The following RBMS3 variants were observed in gnomAD, a reference collection of about 807,000 sequenced individuals.
RBMS3 encodes the protein RNA-binding motif, single-stranded-interacting protein 3.
In RBMS3, 27 loss-of-function variants were observed where a neutral mutation model predicts 66.8. The observed-to-expected ratio is 0.40, with a 90% confidence interval of 0.30 to 0.56. The LOEUF (loss-of-function observed/expected upper bound fraction) is 0.56, where lower values mean the gene tolerates loss of function less well. Among genes scored for constraint, RBMS3 ranks in the 20% least tolerant of loss-of-function variants. The pLI is 0.40. For synonymous variants in RBMS3, 188 were observed against 183.0 expected (o/e 1.03, Z -0.22); for missense variants, 513 against 549.5 (o/e 0.93, Z 0.66).
At chr3:29,769,632 A>G (rs1262363829) in intron 6 of RBMS3, among the ~76,000 whole-genome samples, 1 of 151,296 alleles carries the variant, frequency 6.6e-6, no homozygotes, top group African/African-American at 2.4e-5. Flanking sequence ...TTCTTTATTT[A>G]TCTGATTTTG....
chr3:29,869,717 G>C (rs769135288), intron 7 of RBMS3, among the ~76,000 whole-genome samples: 6 of 152,032 alleles, frequency 3.9e-5, no homozygotes, highest in Non-Finnish European at 7.4e-5. Context: ...CTTCCATGAG[G>C]TCTTTTCATT....
At chr3:29,543,088 CATATGGGGA>C (rs1169364043) in intron 3 of RBMS3, among the ~76,000 whole-genome samples, 1 of 152,088 alleles carries the variant, frequency 6.6e-6, no homozygotes, top group East Asian at 1.9e-4. Context: ...GAGACCACCA[CATATGGGGA>C]AGGAAGCAGA....
intron 2 of RBMS3, among the ~76,000 whole-genome samples, chr3:29,464,706 T>C (rs2042479363): frequency 6.6e-6 from 1 of 152,196 alleles, no homozygotes; most frequent in Non-Finnish European, 1.5e-5. Context: ...ATGTTATTCA[T>C]CATTCAGGAA....
chr3:29,913,322 A>G (rs2060563432), intron 10 of RBMS3, among the ~76,000 whole-genome samples: 2 of 152,020 alleles, frequency 1.3e-5, no homozygotes, highest in Non-Finnish European at 2.9e-5. Flanking sequence ...TCTGCACTTG[A>G]GAAATGACAG....
chr3:29,997,484 G>A (rs9682141), intron 14 of RBMS3, among the ~76,000 whole-genome samples: 14,159 of 133,426 alleles, frequency 0.11, 1,210 homozygotes, highest in South Asian at 0.18. Flanking sequence ...ATTTGAGACC[G>A]ATATCCTTGA....
At chr3:29,572,396 C>A (rs1025150044) in intron 3 of RBMS3, among the ~76,000 whole-genome samples, 10 of 151,994 alleles carry the variant, frequency 6.6e-5, no homozygotes, top group Non-Finnish European at 1.0e-4. Flanking sequence ...TAATACTAGT[C>A]ATGGGTCTGT....
At chr3:29,995,286 G>C (rs1352499612) in intron 14 of RBMS3, among the ~76,000 whole-genome samples, 1 of 152,172 alleles carries the variant, frequency 6.6e-6, no homozygotes, top group Non-Finnish European at 1.5e-5. Context: ...ATCTACATCT[G>C]ATTGGTGTAC....
At chr3:29,388,606 G>C (rs1460569898) in intron 1 of RBMS3, among the ~76,000 whole-genome samples, 1 of 152,168 alleles carries the variant, frequency 6.6e-6, no homozygotes, top group African/African-American at 2.4e-5. Flanking sequence ...GCAGAGTCTT[G>C]CTCTGTCGCA....
At chr3:29,590,560 G>C (rs2047693118) in intron 4 of RBMS3, among the ~76,000 whole-genome samples, 1 of 151,730 alleles carries the variant, frequency 6.6e-6, no homozygotes, top group Non-Finnish European at 1.5e-5. Flanking sequence ...GGAGAATGAA[G>C]ATTGAATAAA....
chr3:29,680,504 G>A (rs1310855935), intron 4 of RBMS3, among the ~76,000 whole-genome samples: 1 of 152,106 alleles, frequency 6.6e-6, no homozygotes, highest in Admixed American at 6.5e-5. Flanking sequence ...TTCACTTGGT[G>A]CAAACAGTGA....
intron 10 of RBMS3, among the ~76,000 whole-genome samples, chr3:29,920,084 G>C (rs915873972): frequency 6.6e-6 from 1 of 152,024 alleles, no homozygotes; most frequent in Non-Finnish European, 1.5e-5. Context: ...CTGACTCAAG[G>C]GAAAGGTCAT....
intron 4 of RBMS3, among the ~76,000 whole-genome samples, chr3:29,593,448 A>T (rs538065134): frequency 1.2e-4 from 18 of 152,302 alleles, no homozygotes; most frequent in African/African-American, 4.1e-4. Flanking sequence ...CTCCCTATGT[A>T]GGAAGGAAAG....
intron 4 of RBMS3, among the ~76,000 whole-genome samples, chr3:29,695,548 T>C (rs1055041081): frequency 6.6e-6 from 1 of 152,216 alleles, no homozygotes; most frequent in African/African-American, 2.4e-5. Context: ...TGTTATTCTG[T>C]TGGCTTCTCA....
At chr3:29,368,266 G>A in intron 1 of RBMS3, among the ~76,000 whole-genome samples, 1 of 152,150 alleles carries the variant, frequency 6.6e-6, no homozygotes, top group East Asian at 1.9e-4. Context: ...TAAAGCTGAT[G>A]CAGCTCTGTG....
intron 4 of RBMS3, among the ~76,000 whole-genome samples, chr3:29,706,413 A>G (rs35377763): frequency 0.45 from 68,353 of 152,014 alleles, 15,694 homozygotes; most frequent in Middle Eastern, 0.55. Flanking sequence ...GTGACACATA[A>G]TCAAGACTTC....
At chr3:29,325,531 T>TATGTATATAC (rs1007053025) in intron 1 of RBMS3, among the ~76,000 whole-genome samples, 1 of 151,878 alleles carries the variant, frequency 6.6e-6, no homozygotes, top group African/African-American at 2.4e-5. Context: ...TGTGTGTATG[T>TATGTATATAC]ATGTATATAC....
At chr3:29,388,072 T>C (rs1473326704) in intron 1 of RBMS3, among the ~76,000 whole-genome samples, 1 of 125,792 alleles carries the variant, frequency 7.9e-6, no homozygotes, top group Non-Finnish European at 1.6e-5. Flanking sequence ...CCAAACTGTC[T>C]ACACACACAC....
At chr3:29,995,518 G>A (rs1293546567) in intron 14 of RBMS3, among the ~76,000 whole-genome samples, 1 of 151,322 alleles carries the variant, frequency 6.6e-6, no homozygotes, top group African/African-American at 2.4e-5. Context: ...CAGAGAGAAA[G>A]GTCGGGTTAC....
intron 11 of RBMS3, among the ~76,000 whole-genome samples, chr3:29,940,263 G>A (rs2061358980): frequency 1.3e-5 from 2 of 151,790 alleles, no homozygotes; most frequent in African/African-American, 4.8e-5. Flanking sequence ...GTTGTCACAG[G>A]TAGTCAATCT....
Sources: allele counts gnomAD v4.1 joint callset (sites outside exome capture counted in the v4.1 genomes callset), GRCh38; gene constraint gnomAD v4.1.1; transcripts MANE v1.5; gene names NCBI Gene and HGNC (gene_info 2026-07-23, HGNC 2026-07-21).